Variants in SYCE1 observed in about 807,000 individuals in gnomAD.
SYCE1 encodes cancer/testis antigen 76.
Under a neutral mutation model 55.1 loss-of-function variants are expected in SYCE1, and 37 were observed. That is an observed-to-expected ratio of 0.67 (90% confidence interval 0.52 to 0.88). The LOEUF (loss-of-function observed/expected upper bound fraction) is 0.88, where lower values mean the gene tolerates loss of function less well. Ranked by LOEUF, SYCE1 falls within the 40% of genes least tolerant of loss-of-function variation. SYCE1 has a pLI of 0.00. For synonymous variants in SYCE1, 163 were observed against 159.4 expected, an observed-to-expected ratio of 1.02 and a Z score of -0.17; for missense variants, 399 against 416.4, an observed-to-expected ratio of 0.96 and a Z score of 0.36.
downstream of SYCE1, chr10:133,554,364 A>G (rs777819195): frequency 3.1e-5 from 50 of 1,602,888 alleles, no homozygotes; most frequent in Non-Finnish European, 4.0e-5. Context: ...CATTACTTCA[A>G]TGCATTCTGA....
At chr10:133,560,517 T>C in intron 1 of SYCE1, 1 of 164,196 alleles carries the variant, frequency 6.1e-6, no homozygotes, top group Non-Finnish European at 1.3e-5. Context: ...ATCTAGGAAG[T>C]TCTTAGAGAG....
intron 12 of SYCE1, 53 bp downstream of exon 12, chr10:133,555,298 G>C: frequency 6.2e-7 from 1 of 1,606,904 alleles, no homozygotes; most frequent in Non-Finnish European, 8.5e-7. Context: ...CGCCCCTTCC[G>C]CTGTCCCTTC....
At chr10:133,564,713 T>C (rs566969613) in intron 1 of SYCE1, among the ~76,000 whole-genome samples, 1 of 152,314 alleles carries the variant, frequency 6.6e-6, no homozygotes, top group South Asian at 2.1e-4. Context: ...GGACAGATGA[T>C]CTCAGGACAG....
chr10:133,565,738 C>T (rs879924049), upstream of SYCE1, among the ~76,000 whole-genome samples: 41 of 152,258 alleles, frequency 2.7e-4, no homozygotes, highest in Admixed American at 1.9e-3. Flanking sequence ...GCGGGAAGCC[C>T]GCCAGGGCCA....
upstream of SYCE1, chr10:133,568,193 C>G: frequency 9.4e-7 from 1 of 1,066,324 alleles, no homozygotes; most frequent in Non-Finnish European, 1.4e-6. Context: ...CGTACAGTAG[C>G]TGTAGATGCC....
At chr10:133,554,716 A>C, downstream of SYCE1, 1 of 826,820 alleles carries the variant, frequency 1.2e-6, no homozygotes, top group Non-Finnish European at 2.0e-6. Flanking sequence ...ATCACAAGGT[A>C]TGTGTATGTG....
chr10:133,555,428 CT>C lies in SYCE1; in HGVS notation c.840del (p.Glu281SerfsTer32), dbSNP rs1286493246. ...ACTTGCATTCCATGCTTTTCCAGCTCTTCCTTCAGCCTGGACAGGAAGAGGT... is the reference window on the plus strand; with the variant it reads ...ACTTGCATTCCATGCTTTTCCAGCTCTCCTTCAGCCTGGACAGGAAGAGGT... ...QQQQKRQRLK[E>X]ELEKHGMQVP... On this transcript the variant is annotated frameshift_variant, in exon 12 of 13. Transcript: ENST00000343131. LOFTEE classifies it high-confidence loss of function. The C allele has an allele frequency of 6.2e-7, 1 of 1,613,968 alleles. No homozygotes were observed. The highest frequency in any genetic ancestry group is 8.5e-7 in the Non-Finnish European group (1 of 1,180,046).
chr10:133,558,133 G>C (rs761166425), intron 5 of SYCE1, 34 bp downstream of exon 5: 1 of 1,613,888 alleles, frequency 6.2e-7, no homozygotes, highest in Non-Finnish European at 8.5e-7. Flanking sequence ...GGTTGGCAAA[G>C]GCACAAGCCT....
intron 1 of SYCE1, among the ~76,000 whole-genome samples, chr10:133,563,922 A>T (rs568026846): frequency 6.6e-6 from 1 of 152,282 alleles, no homozygotes; most frequent in East Asian, 1.9e-4. Flanking sequence ...AACTGCAGCC[A>T]GTTAGGTGAA....
upstream of SYCE1, among the ~76,000 whole-genome samples, chr10:133,567,357 G>A (rs1012789823): frequency 6.6e-6 from 1 of 151,496 alleles, no homozygotes. Context: ...GGGGTTAGGT[G>A]TTAGGGGTTA....
At chr10:133,554,260 G>T, downstream of SYCE1, 2 of 1,610,464 alleles carry the variant, frequency 1.2e-6, no homozygotes, top group Non-Finnish European at 8.5e-7. Flanking sequence ...TTTTTCCATG[G>T]AAACAGTGCT....
At chr10:133,566,021 C>A (rs1317562224), upstream of SYCE1, among the ~76,000 whole-genome samples, 3 of 152,204 alleles carry the variant, frequency 2.0e-5, no homozygotes, top group Admixed American at 6.5e-5. Flanking sequence ...CTGCGGCAGC[C>A]CCCGCTGGGC....
upstream of SYCE1, among the ~76,000 whole-genome samples, chr10:133,566,599 T>TGTTGGGGTTAGG (rs1315725858): frequency 6.2e-5 from 3 of 48,712 alleles, no homozygotes; most frequent in East Asian, 4.6e-4. Flanking sequence ...AGGGTTTTAG[T>TGTTGGGGTTAGG]GTTGGGGTTA....
At chr10:133,563,703 A>AAAT in intron 1 of SYCE1, among the ~76,000 whole-genome samples, 1 of 151,876 alleles carries the variant, frequency 6.6e-6, no homozygotes, top group East Asian at 1.9e-4. Flanking sequence ...AAAAAAAAAA[A>AAAT]ATCAAGCATA....
At chr10:133,557,220 G>A (rs1851706316) in intron 6 of SYCE1, 64 bp from the exon 7 acceptor site, 3 of 1,390,950 alleles carry the variant, frequency 2.2e-6, no homozygotes, top group East Asian at 2.3e-5. Flanking sequence ...CTGGGCTGGG[G>A]CTTCTGCCTC....
intron 1 of SYCE1, among the ~76,000 whole-genome samples, chr10:133,564,221 A>T (rs1851875985): frequency 6.6e-6 from 1 of 152,090 alleles, no homozygotes; most frequent in African/African-American, 2.4e-5. Flanking sequence ...GGTCTGCAGC[A>T]ACTTCCCCAA....
upstream of SYCE1, chr10:133,567,772 T>C (rs3020500): frequency 0.79 from 244,294 of 308,230 alleles, 101,595 homozygotes; most frequent in Non-Finnish European, 0.89. Flanking sequence ...GGCTCTGGAG[T>C]GTGGCTGGGC....
intron 2 of SYCE1, 121 bp downstream of exon 2, chr10:133,559,970 A>G (rs1851782915): frequency 1.2e-5 from 10 of 817,112 alleles, no homozygotes; most frequent in Non-Finnish European, 1.8e-5. Context: ...TTAAGTTTTA[A>G]AAGAAAGAGA....
upstream of SYCE1, chr10:133,568,278 T>C: frequency 1.4e-6 from 2 of 1,419,414 alleles, no homozygotes; most frequent in Non-Finnish European, 1.9e-6. Flanking sequence ...CCGCGGCCCT[T>C]CTCCAGCCTG....
Sources: gnomAD v4.1 joint callset for allele counts (sites outside exome capture counted in the v4.1 genomes callset) on GRCh38, gnomAD v4.1.1 for gene constraint, MANE v1.5 for transcripts, NCBI Gene and HGNC (gene_info 2026-07-23, HGNC 2026-07-21) for gene names.